The following CYP2C19 variants were observed in gnomAD, a reference collection of about 807,000 sequenced individuals.
The protein encoded by CYP2C19 is cytochrome P450 2C19.
CYP2C19 carries 59 observed loss-of-function variants against 40.9 expected under a neutral mutation model. That is an observed-to-expected ratio of 1.44 (90% CI 1.17 to 1.79). CYP2C19 has a LOEUF of 1.79. CYP2C19 is among the 40% of genes most tolerant of loss of function. The probability of loss-of-function intolerance (pLI) is 0.00; values close to 1 mark genes in which losing one functional copy is unlikely to be tolerated. For synonymous variants in CYP2C19, 253 were observed against 208.7 expected (o/e 1.21, Z -1.83); for missense variants, 754 against 596.9 (o/e 1.26, Z -2.74).
intron 5 of CYP2C19, among the ~76,000 whole-genome samples, chr10:94,809,706 A>G (rs1008632580): frequency 1.3e-5 from 2 of 152,110 alleles, no homozygotes; most frequent in Non-Finnish European, 2.9e-5. Flanking sequence ...GTGGTTTGTC[A>G]TAAATACCTC....
chr10:94,795,844 TG>T (rs1848677395), intron 5 of CYP2C19, among the ~76,000 whole-genome samples: 1 of 150,680 alleles, frequency 6.6e-6, no homozygotes, highest in Non-Finnish European at 1.5e-5. Context: ...CACACTTTGA[TG>T]GGGTTTTTTT....
intron 5 of CYP2C19, among the ~76,000 whole-genome samples, chr10:94,806,293 C>A (rs553377153): frequency 6.6e-6 from 1 of 152,098 alleles, no homozygotes; most frequent in Non-Finnish European, 1.5e-5. Flanking sequence ...AATTTGCTTA[C>A]CCATTTTTCT....
chr10:94,772,658 G>C (rs562073350), intron 1 of CYP2C19, among the ~76,000 whole-genome samples: 1 of 152,326 alleles, frequency 6.6e-6, no homozygotes, highest in East Asian at 1.9e-4. Context: ...CAGAAATACA[G>C]GAAAAGTGGA....
intron 5 of CYP2C19, among the ~76,000 whole-genome samples, chr10:94,820,048 A>G (rs865881749): frequency 0.02 from 3,035 of 149,088 alleles, 36 homozygotes; most frequent in African/African-American, 0.032. Flanking sequence ...CACCATGATC[A>G]AGTGGGCTTC....
intron 1 of CYP2C19, among the ~76,000 whole-genome samples, chr10:94,768,247 C>T (rs1848275500): frequency 6.6e-6 from 1 of 152,172 alleles, no homozygotes; most frequent in Non-Finnish European, 1.5e-5. Flanking sequence ...GCTAACTGGG[C>T]ACTGGTCCCT....
intron 1 of CYP2C19, among the ~76,000 whole-genome samples, chr10:94,773,247 G>A (rs531368214): frequency 1.3e-4 from 20 of 152,250 alleles, no homozygotes; most frequent in Middle Eastern, 3.4e-3. Flanking sequence ...GGTTCCTTCC[G>A]GTGGGTTCTT....
intron 5 of CYP2C19, among the ~76,000 whole-genome samples, chr10:94,794,694 G>T (rs1848657742): frequency 6.6e-6 from 1 of 151,938 alleles, no homozygotes; most frequent in Non-Finnish European, 1.5e-5. Flanking sequence ...TCATGATTTG[G>T]CTCTCTGTTT....
At chr10:94,816,777 G>A (rs958994608) in intron 5 of CYP2C19, among the ~76,000 whole-genome samples, 2 of 143,932 alleles carry the variant, frequency 1.4e-5, no homozygotes, top group African/African-American at 2.6e-5. Flanking sequence ...CCCTTCATGT[G>A]TCCATGTGAT....
chr10:94,773,673 T>C (rs780411849), intron 1 of CYP2C19, among the ~76,000 whole-genome samples: 1 of 152,178 alleles, frequency 6.6e-6, no homozygotes, highest in Non-Finnish European at 1.5e-5. Flanking sequence ...TATCTGGAGT[T>C]GTTCGTTCCT....
chr10:94,793,703 C>G lies in CYP2C19; in HGVS notation c.819+11706C>G, dbSNP rs376042402. Among the ~76,000 whole-genome samples, 25 of 152,168 alleles carry G rather than the reference C, an allele frequency of 1.6e-4. No homozygotes were observed. In the South Asian group the frequency reaches 4.8e-3, roughly 29 times the overall value. On this transcript the variant is annotated intron_variant, in intron 5 of 8. Coordinates refer to ENST00000371321, the MANE Select transcript of CYP2C19 (RefSeq NM_000769.4). Reference sequence around the variant, plus strand: ...ATTGCAGAACAGCAAATGTTGCTGCCTGATCCTTCCTCTGGAAGCTTTGTC... The same window carrying G: ...ATTGCAGAACAGCAAATGTTGCTGCGTGATCCTTCCTCTGGAAGCTTTGTC...
chr10:94,796,636 G>A lies in CYP2C19; in HGVS notation c.819+14639G>A, dbSNP rs1362897086. The stretch of plus-strand genomic sequence containing the variant: ...TTCTTCCTATCCATGAGCATGGAAT[G>A]TTCTTCCATTAGTTTGTGTCCTGTT... On this transcript the variant is annotated intron_variant, in intron 5 of 8. Coordinates refer to ENST00000371321, the MANE Select transcript of CYP2C19 (RefSeq NM_000769.4). Among the ~76,000 whole-genome samples the A allele has an allele frequency of 3.9e-5, 6 of 152,134 alleles. No individual in the cohort carries two copies. The East Asian group carries it at 5.8e-4, about 15-fold the overall frequency.
At chr10:94,817,878 T>C (rs1371074266) in intron 5 of CYP2C19, among the ~76,000 whole-genome samples, 3 of 151,498 alleles carry the variant, frequency 2.0e-5, no homozygotes, top group Non-Finnish European at 3.0e-5. Flanking sequence ...CCGGGCGTAG[T>C]GGCGGGCACC....
chr10:94,823,573 A>G (rs1352776390), intron 6 of CYP2C19, among the ~76,000 whole-genome samples: 1 of 152,222 alleles, frequency 6.6e-6, no homozygotes, highest in Non-Finnish European at 1.5e-5. Context: ...ATGAAATGAA[A>G]ACATACTCTG....
chr10:94,803,960 G>A (rs1262603521), intron 5 of CYP2C19, among the ~76,000 whole-genome samples: 1 of 152,146 alleles, frequency 6.6e-6, no homozygotes, highest in Non-Finnish European at 1.5e-5. Context: ...GAAGAGTGGG[G>A]TGGCTCAGGG....
At chr10:94,848,394 G>C (rs1849603815) in intron 7 of CYP2C19, among the ~76,000 whole-genome samples, 3 of 152,138 alleles carry the variant, frequency 2.0e-5, no homozygotes, top group African/African-American at 7.2e-5. Flanking sequence ...TTGTAGATGT[G>C]TGGTATTATT....
intron 5 of CYP2C19, among the ~76,000 whole-genome samples, chr10:94,785,471 A>G (rs1848529398): frequency 6.6e-6 from 1 of 152,108 alleles, no homozygotes; most frequent in Non-Finnish European, 1.5e-5. Flanking sequence ...TAAATTGGCC[A>G]CAGATGTTTA....
intron 3 of CYP2C19, among the ~76,000 whole-genome samples, chr10:94,780,298 A>G (rs1001372396): frequency 2.0e-5 from 3 of 152,194 alleles, no homozygotes; most frequent in Admixed American, 6.5e-5. Flanking sequence ...TTATTTAACC[A>G]GCTAGGCTGT....
intron 6 of CYP2C19, among the ~76,000 whole-genome samples, chr10:94,828,797 G>C (rs895496675): frequency 1.1e-4 from 16 of 152,236 alleles, no homozygotes; most frequent in Non-Finnish European, 1.8e-4. Context: ...TGCAGCGGCT[G>C]GTACCGGTTG....
intron 5 of CYP2C19, among the ~76,000 whole-genome samples, chr10:94,808,467 G>A (rs527751091): frequency 2.0e-5 from 3 of 152,184 alleles, no homozygotes; most frequent in South Asian, 4.1e-4. Flanking sequence ...ATTTAAAAAT[G>A]TATGATTGAC....
Sources: gnomAD v4.1 joint callset for allele counts (sites outside exome capture counted in the v4.1 genomes callset) on GRCh38, gnomAD v4.1.1 for gene constraint, MANE v1.5 for transcripts, NCBI Gene and HGNC (gene_info 2026-07-23, HGNC 2026-07-21) for gene names.